The following DNAJC24 variants were observed in gnomAD, a reference collection of about 807,000 sequenced individuals.
The protein encoded by DNAJC24 is dnaJ homolog subfamily C member 24.
In DNAJC24, 17 loss-of-function variants were observed where a neutral mutation model predicts 18.0. That is an observed-to-expected ratio of 0.94 (90% CI 0.65 to 1.42). DNAJC24 has a LOEUF of 1.42. Ranked by LOEUF, DNAJC24 falls within the 40% of genes most tolerant of loss-of-function variation. DNAJC24 has a pLI of 0.00. For missense variants in DNAJC24, 158 were observed against 175.6 expected, an observed-to-expected ratio of 0.90 and a Z score of 0.57; for synonymous variants, 55 against 57.7, an observed-to-expected ratio of 0.95 and a Z score of 0.21.
chr11:31,416,443 C>T (rs1952752223), intron 3 of DNAJC24: 1 of 152,094 alleles, frequency 6.6e-6, no homozygotes, highest in Non-Finnish European at 1.5e-5. Flanking sequence ...ATCTACATTC[C>T]TAAAGCCACT....
chr11:31,388,624 C>G (rs1209436850), intron 2 of DNAJC24, among the ~76,000 whole-genome samples: 1 of 152,150 alleles, frequency 6.6e-6, no homozygotes, highest in Non-Finnish European at 1.5e-5. Context: ...AAAGGTACTT[C>G]CTCTGTCTGA....
At chr11:31,403,125 A>ATGTGTGTGTGTGTGTG (rs3979423) in intron 2 of DNAJC24, among the ~76,000 whole-genome samples, 11 of 146,566 alleles carry the variant, frequency 7.5e-5, no homozygotes, top group African/African-American at 2.3e-4. Context: ...GCATATATGC[A>ATGTGTGTGTGTGTGTG]TGTGTGTGTG....
rs147600864 is a variant in DNAJC24 at position 31,376,548 on chromosome 11, A to G, written c.111+5689A>G. On this transcript the variant is annotated intron_variant, in intron 2 of 4. Transcript: ENST00000465995. ...CACATCTGGTTTTATCTTCTGTAAG[A>G]TAGGCTTTGTTACCCCTATGTTTGT... Among the ~76,000 whole-genome samples the G allele has an allele frequency of 8.2e-3, 1,243 of 152,288 alleles. 7 individuals carry two copies. Among genetic ancestry groups the G allele is most frequent in the Middle Eastern group, 0.017 (5 of 294 alleles).
chr11:31,405,169 C>T (rs982632326), intron 2 of DNAJC24, among the ~76,000 whole-genome samples: 1 of 150,470 alleles, frequency 6.6e-6, no homozygotes, highest in African/African-American at 2.4e-5. Context: ...TCCCAGATTC[C>T]AGCGATTCTC....
At position 31,389,919 on chromosome 11, in the gene DNAJC24, A is replaced by G. The variant is rs187349297; in HGVS notation, c.111+19060A>G. Among the ~76,000 whole-genome samples, 34 of 152,350 alleles carry G rather than the reference A, an allele frequency of 2.2e-4. No individual in the cohort carries two copies. The East Asian group carries it at 5.0e-3, about 22-fold the overall frequency. On this transcript the variant is annotated intron_variant, in intron 2 of 4. Coordinates refer to ENST00000465995, the MANE Select transcript of DNAJC24 (RefSeq NM_181706.5). ...ATACTCCTGAATGATCAGTGGGTCA[A>G]TGAAGAAATTAAGAAGGAAATTGAA...
At chr11:31,422,389 A>T (rs1409023270) in intron 3 of DNAJC24, among the ~76,000 whole-genome samples, 1 of 152,194 alleles carries the variant, frequency 6.6e-6, no homozygotes, top group Admixed American at 6.5e-5. Context: ...CATATGCCAG[A>T]CAATGCTTTT....
At chr11:31,386,761 C>T (rs561357468) in intron 2 of DNAJC24, among the ~76,000 whole-genome samples, 2 of 152,290 alleles carry the variant, frequency 1.3e-5, no homozygotes, top group East Asian at 1.9e-4. Flanking sequence ...ATACCAGCTT[C>T]GCTACAGTGG....
intron 2 of DNAJC24, among the ~76,000 whole-genome samples, chr11:31,396,551 C>G (rs889935186): frequency 1.3e-5 from 2 of 152,114 alleles, no homozygotes; most frequent in Admixed American, 6.6e-5. Flanking sequence ...CCTATGTTTC[C>G]CCTTGTCTGA....
At chr11:31,396,324 A>C (rs968006906) in intron 2 of DNAJC24, 1 of 453,060 alleles carries the variant, frequency 2.2e-6, no homozygotes, top group Non-Finnish European at 4.4e-6. Context: ...TGTGCTTCTG[A>C]GTTTTATTTG....
At chr11:31,371,021 T>G (rs1952236235) in intron 2 of DNAJC24, among the ~76,000 whole-genome samples, 162 bp downstream of exon 2, 2 of 152,160 alleles carry the variant, frequency 1.3e-5, no homozygotes, top group Admixed American at 1.3e-4. Flanking sequence ...AAAACTTGAT[T>G]TGAGGTGGAA....
chr11:31,402,258 C>T (rs984306388), intron 2 of DNAJC24, among the ~76,000 whole-genome samples: 15 of 146,358 alleles, frequency 1.0e-4, no homozygotes, highest in African/African-American at 3.2e-4. Context: ...AGAAAAGGTA[C>T]AGTAAAAGTA....
rs1480813206 is a variant in DNAJC24 at position 31,370,746 on chromosome 11, T to C, written c.-3T>C. The C allele has an allele frequency of 1.3e-6, 2 of 1,599,116 alleles. No individual in the cohort carries two copies. The highest frequency in any genetic ancestry group is 1.3e-5 in the African/African-American group (1 of 74,202). ...CTGAGAAGGCCCACTTCTGGTTCCA[T>C]GGATGATGGCGGTTGAGCAGATGCC... On this transcript the variant is annotated 5_prime_UTR_variant, in exon 2 of 5. The change abolishes an upstream ATG in the 5' untranslated region. Coordinates refer to ENST00000465995, the MANE Select transcript of DNAJC24 (RefSeq NM_181706.5).
chr11:31,426,650 A>G (rs1196471892), intron 4 of DNAJC24: 5 of 254,346 alleles, frequency 2.0e-5, no homozygotes, highest in African/African-American at 4.5e-5. Flanking sequence ...TTTTTGCATT[A>G]CTGTCTATGT....
rs1952738535 is a variant in DNAJC24 at position 31,414,791 on chromosome 11, C to T, written c.112-20C>T. 1.2e-6 allele frequency: 2 copies of T among 1,610,324 alleles called. No individual in the cohort carries two copies. The highest frequency in any genetic ancestry group is 1.7e-6 in the Non-Finnish European group (2 of 1,178,008). On this transcript the variant is annotated intron_variant, in intron 2 of 4. Transcript: ENST00000465995. Reference sequence around the variant, plus strand: ...CAGCTCTCTCTACTCACCCCCTGCACCCTTCTTTTTGATTGGCAGTATCAT... The same window carrying T: ...CAGCTCTCTCTACTCACCCCCTGCATCCTTCTTTTTGATTGGCAGTATCAT...
intron 4 of DNAJC24, among the ~76,000 whole-genome samples, chr11:31,428,766 A>T (rs1839641): frequency 0.27 from 41,372 of 152,108 alleles, 5,914 homozygotes; most frequent in African/African-American, 0.35. Flanking sequence ...AGAGTATTTA[A>T]AATGATGATT....
At chr11:31,378,863 A>T (rs1952346407) in intron 2 of DNAJC24, among the ~76,000 whole-genome samples, 1 of 152,196 alleles carries the variant, frequency 6.6e-6, no homozygotes, top group South Asian at 2.1e-4. Context: ...ATCATGCCTG[A>T]TTATTAGTTA....
chr11:31,414,328 T>G (rs1195188101), intron 2 of DNAJC24, among the ~76,000 whole-genome samples: 1 of 152,194 alleles, frequency 6.6e-6, no homozygotes, highest in African/African-American at 2.4e-5. Flanking sequence ...GTCATGTTTA[T>G]AATTAGATAT....
intron 2 of DNAJC24, among the ~76,000 whole-genome samples, chr11:31,381,579 T>TC (rs1187558350): frequency 6.6e-6 from 1 of 151,580 alleles, no homozygotes; most frequent in African/African-American, 2.4e-5. Flanking sequence ...AAAAAAATTT[T>TC]TTTTTTTTTT....
chr11:31,399,739 CTTTT>C (rs757871094), intron 2 of DNAJC24, among the ~76,000 whole-genome samples: 2 of 97,056 alleles, frequency 2.1e-5, no homozygotes, highest in African/African-American at 3.8e-5. Context: ...ACTGTTTTTT[CTTTT>C]TTTTTTTTTT....
Sources: gnomAD v4.1 joint callset for allele counts (sites outside exome capture counted in the v4.1 genomes callset) on GRCh38, gnomAD v4.1.1 for gene constraint, MANE v1.5 for transcripts, NCBI Gene and HGNC (gene_info 2026-07-23, HGNC 2026-07-21) for gene names.